NQO2: variants seen among roughly 807,000 people sequenced by gnomAD.
NQO2 encodes ribosyldihydronicotinamide dehydrogenase [quinone].
NQO2 carries 18 observed loss-of-function variants against 22.0 expected under a neutral mutation model. The observed-to-expected ratio is 0.82, with a 90% CI of 0.56 to 1.21. The LOEUF is 1.21. NQO2 is among the 50% of genes most tolerant of loss of function. The pLI is 0.00. For missense variants in NQO2, 267 were observed against 286.9 expected (o/e 0.93, Z 0.50); for synonymous variants, 106 against 110.8 (o/e 0.96, Z 0.28).
At position 3,006,961 on chromosome 6, in the gene NQO2, T is replaced by G. The variant is rs1336004669; in HGVS notation, c.7+402T>G. The stretch of plus-strand genomic sequence containing the variant: ...GTAAAAATTCAGTACGATTCTATCT[T>G]TGCTTTTGCAACTGCTTATCATGCA... On this transcript the variant is annotated intron_variant, in intron 2 of 6. Transcript: ENST00000380455. The surrounding 1 kb of genome is among the most constrained non-coding windows in gnomAD (Gnocchi z 4.0). 1.7e-5 allele frequency: 7 copies of G among 405,410 alleles called. No homozygotes were observed. Among genetic ancestry groups the G allele is most frequent in the Non-Finnish European group, 2.2e-5 (5 of 230,046 alleles). 25.1% of individuals were successfully genotyped at this position (405,410 alleles called of 1,614,324 possible). A position where few individuals can be genotyped will look rare whatever the true frequency, so the allele number is the denominator to read the frequency against.
chr6:3,017,070 G>A lies in NQO2; in HGVS notation c.519+85G>A, dbSNP rs28383639. On this transcript the variant is annotated intron_variant, in intron 6 of 6. Coordinates refer to ENST00000380455, the MANE Select transcript of NQO2 (RefSeq NM_000904.6). ...TGCACACATGCATACACACACACAC[G>A]CACACACATACATGCCCTCAGCTCC... 1.7e-3 allele frequency: 2,325 copies of A among 1,331,420 alleles called. 25 individuals carry two copies. In the African/African-American group the frequency reaches 0.034, roughly 19 times the overall value. The allele number at this position is 1,331,420 out of a possible 1,614,324, so 82.5% of individuals were successfully genotyped here. A position where few individuals can be genotyped will look rare whatever the true frequency, so the allele number is the denominator to read the frequency against.
At position 3,006,661 on chromosome 6, in the gene NQO2, C is replaced by G; in HGVS notation, c.7+102C>G. ...AAACTCCTGAGCTCAAGTGACCCTCCCACATTGACCTTCCAGGTGGGAGTT... is the reference window on the plus strand; with the variant it reads ...AAACTCCTGAGCTCAAGTGACCCTCGCACATTGACCTTCCAGGTGGGAGTT... On this transcript the variant is annotated intron_variant, in intron 2 of 6. Transcript: ENST00000380455. This position sits in a 1 kb window ranked among gnomAD's most constrained non-coding sequence, Gnocchi z 4.0. The G allele has an allele frequency of 1.7e-6, 2 of 1,190,900 alleles. No individual in the cohort carries two copies. The highest frequency in any genetic ancestry group is 2.3e-6 in the Non-Finnish European group (2 of 872,902). 73.8% of individuals were successfully genotyped at this position (1,190,900 alleles called of 1,614,324 possible).
chr6:3,005,913 C>T, intron 1 of NQO2: 1 of 609,374 alleles, frequency 1.6e-6, no homozygotes, highest in Non-Finnish European at 2.1e-6. Context: ...TGCACCAAGT[C>T]TGTCTGATGC....
chr6:3,012,975 A>G (rs1209345100), intron 4 of NQO2, among the ~76,000 whole-genome samples: 1 of 10,742 alleles, frequency 9.3e-5, no homozygotes, highest in Non-Finnish European at 2.3e-4. Context: ...TTTTTTTTTG[A>G]GACGGAGTCT....
intron 1 of NQO2, among the ~76,000 whole-genome samples, chr6:3,002,559 C>T (rs1414291385): frequency 6.6e-6 from 1 of 152,154 alleles, no homozygotes; most frequent in Non-Finnish European, 1.5e-5. Context: ...ATCCCCCCAC[C>T]TCGGCCCCCC....
In NQO2 at chr6:3,006,715, G is replaced by T. The variant is rs2113440119; in HGVS notation, c.7+156G>T. The T allele has an allele frequency of 1.4e-6, 1 of 704,154 alleles. No individual in the cohort carries two copies. Among genetic ancestry groups the T allele is most frequent in the Non-Finnish European group, 2.2e-6 (1 of 446,936 alleles). The allele number at this position is 704,154 out of a possible 1,614,324, so 43.6% of individuals were successfully genotyped here. On this transcript the variant is annotated intron_variant, in intron 2 of 6. Coordinates refer to ENST00000380455, the MANE Select transcript of NQO2 (RefSeq NM_000904.6). The surrounding 1 kb of genome is among the most constrained non-coding windows in gnomAD (Gnocchi z 4.0). ...CTCTTAATCAGAAATTGGATACATTGTTGTAAAAAATCCAAGCCACGTGGA... is the reference window on the plus strand; with the variant it reads ...CTCTTAATCAGAAATTGGATACATTTTTGTAAAAAATCCAAGCCACGTGGA...
rs1757481245 is a variant in NQO2 at position 3,019,750 on chromosome 6, T to C, written c.*95T>C. The C allele has an allele frequency of 2.7e-6, 3 of 1,092,944 alleles. No homozygotes were observed. Among genetic ancestry groups the C allele is most frequent in the African/African-American group, 3.2e-5 (2 of 63,308 alleles). 67.7% of individuals were successfully genotyped at this position (1,092,944 alleles called of 1,614,324 possible). A position where few individuals can be genotyped will look rare whatever the true frequency, so the allele number is the denominator to read the frequency against. On this transcript the variant is annotated 3_prime_UTR_variant, in exon 7 of 7. Coordinates refer to ENST00000380455, the MANE Select transcript of NQO2 (RefSeq NM_000904.6). ...GCTGTCATGAAATAAAATTACAACA[T>C]AGCTACCTGGGGATACTTTTTTCTT...
chr6:3,007,990 T>C (rs894338524), intron 2 of NQO2, among the ~76,000 whole-genome samples: 2 of 152,234 alleles, frequency 1.3e-5, no homozygotes, highest in Non-Finnish European at 2.9e-5. Context: ...CCAAATTAGG[T>C]TGGGCTTTTA....
At chr6:3,013,177 G>C (rs28383632) in intron 4 of NQO2, among the ~76,000 whole-genome samples, 3 of 151,474 alleles carry the variant, frequency 2.0e-5, no homozygotes, top group Admixed American at 2.0e-4. Context: ...GGATGGTCTC[G>C]ATCTCCTGAC....
At chr6:3,015,265 C>T in intron 4 of NQO2, 1 of 1,437,734 alleles carries the variant, frequency 7.0e-7, no homozygotes, top group Non-Finnish European at 9.2e-7. Context: ...CGTCCCCTCC[C>T]TGCCTGCCCA....
At chr6:3,011,558 T>C (rs1406524487) in intron 3 of NQO2, among the ~76,000 whole-genome samples, 1 of 152,126 alleles carries the variant, frequency 6.6e-6, no homozygotes, top group Non-Finnish European at 1.5e-5. Context: ...AGAAAAATTT[T>C]CCAAAACTTC....
At chr6:3,012,340 G>C (rs910870586) in intron 3 of NQO2, 1 of 968,052 alleles carries the variant, frequency 1.0e-6, no homozygotes, top group Non-Finnish European at 1.2e-6. Context: ...CACAGCACCT[G>C]CTAGGTAGCA....
intron 2 of NQO2, 189 bp from the exon 3 acceptor site, chr6:3,009,836 C>T: frequency 1.4e-6 from 1 of 735,160 alleles, no homozygotes; most frequent in South Asian, 6.2e-5. Context: ...CACTGCATTC[C>T]AGCCTGGGTG....
chr6:3,003,232 A>T (rs1327018111), intron 1 of NQO2, among the ~76,000 whole-genome samples: 1 of 152,168 alleles, frequency 6.6e-6, no homozygotes, highest in Non-Finnish European at 1.5e-5. Context: ...TGTAAGTTAC[A>T]GCCCCACTTC....
chr6:3,001,964 G>A (rs1327388543), intron 1 of NQO2: 2 of 152,248 alleles, frequency 1.3e-5, no homozygotes, highest in African/African-American at 4.8e-5. Flanking sequence ...ATTTCAAATA[G>A]TATAGAAAAT....
rs745392744 is a variant in NQO2, at chr6:3,016,999, G to A, written c.519+14G>A. On this transcript the variant is annotated intron_variant, in intron 6 of 6. Coordinates refer to ENST00000380455, the MANE Select transcript of NQO2 (RefSeq NM_000904.6). The stretch of plus-strand genomic sequence containing the variant: ...TGGCCACTCCAGGTAGACCAGCTGC[G>A]AGTGGCTCCCTTGCTTGTTGGCACA... The A allele has an allele frequency of 1.4e-5, 23 of 1,612,348 alleles. No homozygotes were observed. The highest frequency in any genetic ancestry group is 2.2e-5 in the East Asian group (1 of 44,846).
chr6:3,008,399 C>T (rs140845623), intron 2 of NQO2, among the ~76,000 whole-genome samples: 1,712 of 140,756 alleles, frequency 0.012, 18 homozygotes, highest in Non-Finnish European at 0.021. Context: ...GCAACAAGAG[C>T]GAAACTCTGT....
chr6:3,010,073 A>T lies in NQO2; in HGVS notation c.56A>T (p.Asn19Ile), dbSNP rs558856259. The change falls in exon 3 of 7, where the codon AAC (asparagine) becomes ATC (isoleucine). Residue 19 changes from asparagine (N) to isoleucine (I), a missense_variant. By Grantham distance (149) the Asn-to-Ile change is moderately radical. Transcript: ENST00000380455. ...VYAHQEPKSFNGSLKNVAVDE... is the reference protein window; with the variant it reads ...VYAHQEPKSFIGSLKNVAVDE... ...GCACACCAGGAACCCAAGTCTTTCA[A>T]CGGATCCTTGAAGAATGTGGCTGTA... The T allele has an allele frequency of 3.2e-5, 52 of 1,614,114 alleles. 2 individuals are homozygous for T. In the South Asian group the frequency reaches 5.7e-4, roughly 18 times the overall value.
chr6:3,009,733 G>A (rs28383618), intron 2 of NQO2, among the ~76,000 whole-genome samples: 5,708 of 152,238 alleles, frequency 0.037, 120 homozygotes, highest in African/African-American at 0.056. Context: ...GACTTCCCAC[G>A]AAACACACCT....
Sources: gnomAD v4.1 joint callset for allele counts (sites outside exome capture counted in the v4.1 genomes callset) on GRCh38, gnomAD v4.1.1 for gene constraint, Gnocchi (gnomAD v3.1) non-coding constraint, MANE v1.5 for transcripts, NCBI Gene and HGNC (gene_info 2026-07-23, HGNC 2026-07-21) for gene names.